The following EPB41L5 variants were observed in gnomAD, a reference collection of about 807,000 sequenced individuals.
The protein encoded by EPB41L5 is erythrocyte membrane protein band 4.1 like 5.
EPB41L5 carries 55 observed loss-of-function variants against 106.6 expected under a neutral mutation model. The ratio of observed to expected loss-of-function variants is 0.52; its 90% confidence interval spans 0.42 to 0.65. EPB41L5 has a LOEUF of 0.65. EPB41L5 is among the 30% of genes least tolerant of loss of function. The pLI is 0.00. For missense variants in EPB41L5, 871 were observed against 882.1 expected (o/e 0.99, Z 0.16); for synonymous variants, 297 against 306.7 (o/e 0.97, Z 0.33).
At chr2:120,135,011 G>C (rs971739944) in intron 18 of EPB41L5, among the ~76,000 whole-genome samples, 1 of 152,130 alleles carries the variant, frequency 6.6e-6, no homozygotes, top group Admixed American at 6.5e-5. Flanking sequence ...CTTTCAGGCA[G>C]ATAATTCAAA....
chr2:120,043,333 G>A (rs1679539277), intron 3 of EPB41L5, among the ~76,000 whole-genome samples: 1 of 151,928 alleles, frequency 6.6e-6, no homozygotes, highest in Non-Finnish European at 1.5e-5. Flanking sequence ...TTGAGGTCAG[G>A]AGTTTGATAC....
chr2:120,163,980 C>CTTTTTTTTTTTTTTTTTTTTTTTTT, intron 21 of EPB41L5, among the ~76,000 whole-genome samples: 2 of 68,140 alleles, frequency 2.9e-5, no homozygotes, highest in Non-Finnish European at 5.4e-5. Flanking sequence ...TTTGTATTTA[C>CTTTTTTTTTTTTTTTTTTTTTTTTT]TTTTTTTTTT....
At chr2:120,118,512 C>CA (rs911170734) in intron 16 of EPB41L5, among the ~76,000 whole-genome samples, 17 of 152,202 alleles carry the variant, frequency 1.1e-4, no homozygotes, top group African/African-American at 4.1e-4. Context: ...TTTCCCTCCC[C>CA]CACACCCCCG....
chr2:120,100,956 T>A, intron 16 of EPB41L5, 142 bp downstream of exon 16: 1 of 617,730 alleles, frequency 1.6e-6, no homozygotes. Context: ...TATTAAATAA[T>A]CATATTGAGA....
chr2:120,116,461 C>T (rs80352290), intron 16 of EPB41L5, among the ~76,000 whole-genome samples: 109 of 152,244 alleles, frequency 7.2e-4, no homozygotes, highest in Non-Finnish European at 1.3e-3. Context: ...ATACTGGAAA[C>T]TTAAACATGA....
intron 2 of EPB41L5, among the ~76,000 whole-genome samples, chr2:120,022,087 T>G (rs1677968567): frequency 6.6e-6 from 1 of 152,236 alleles, no homozygotes; most frequent in Non-Finnish European, 1.5e-5. Context: ...TAAACTTGTT[T>G]AAGAGCTTAG....
chr2:120,027,645 T>TG (rs1678422442), intron 2 of EPB41L5, among the ~76,000 whole-genome samples: 1 of 152,136 alleles, frequency 6.6e-6, no homozygotes, highest in African/African-American at 2.4e-5. Context: ...GCTCAAGTGA[T>TG]GCACCACTCA....
chr2:120,122,868 T>C (rs1685288184), intron 16 of EPB41L5, among the ~76,000 whole-genome samples: 1 of 152,196 alleles, frequency 6.6e-6, no homozygotes, highest in Non-Finnish European at 1.5e-5. Flanking sequence ...GGTTTGTAGT[T>C]CTCCTTGAAG....
At chr2:120,142,896 A>G (rs1428818016) in intron 18 of EPB41L5, 107 bp from the exon 19 acceptor site, 2 of 979,994 alleles carry the variant, frequency 2.0e-6, no homozygotes, top group African/African-American at 1.7e-5. Context: ...TGCTTAAGAC[A>G]CATGATTTCC....
chr2:120,047,004 T>G (rs1450971294), intron 3 of EPB41L5, among the ~76,000 whole-genome samples: 4 of 152,040 alleles, frequency 2.6e-5, no homozygotes, highest in Admixed American at 2.0e-4. Flanking sequence ...GGCTCTGTTC[T>G]GTTCCATTGG....
Position 120,015,243 on chromosome 2 carries a change from C to T in EPB41L5, c.-9+2033C>T, listed in dbSNP as rs538872908. On this transcript the variant is annotated intron_variant, in intron 1 of 24. Transcript: ENST00000263713. ...TTGGGAGGCTGAGGCAGAAGAATGG[C>T]GTAAACCCGGGAGGCAGATCTTGCA... Among the ~76,000 whole-genome samples, 647 of 151,498 alleles carry T rather than the reference C, an allele frequency of 4.3e-3. 3 individuals are homozygous for T. Among genetic ancestry groups the T allele is most frequent in the Non-Finnish European group, 6.6e-3 (451 of 67,908 alleles).
At chr2:120,112,411 T>A (rs1216608063) in intron 16 of EPB41L5, among the ~76,000 whole-genome samples, 1 of 152,218 alleles carries the variant, frequency 6.6e-6, no homozygotes, top group Non-Finnish European at 1.5e-5. Flanking sequence ...ATACCAAGCA[T>A]GTCTTGGCAC....
intron 16 of EPB41L5, chr2:120,104,982 CAT>C (rs1249087669): frequency 3.0e-6 from 3 of 984,290 alleles, no homozygotes; most frequent in Middle Eastern, 5.2e-4. Context: ...AAATGAAAAA[CAT>C]ATTTACTTTG....
At position 120,116,981 on chromosome 2, in the gene EPB41L5, A is replaced by C. The variant is rs527700914; in HGVS notation, c.1338-10707A>C. On this transcript the variant is annotated intron_variant, in intron 16 of 24. Transcript: ENST00000263713. Reference sequence around the variant, plus strand: ...AAGCTTCTACTAGAAAATAATAAAAACATCTTGGATGTTACCCTTGAAAAT... The same window carrying C: ...AAGCTTCTACTAGAAAATAATAAAACCATCTTGGATGTTACCCTTGAAAAT... Among the ~76,000 whole-genome samples, 4 of 152,298 alleles carry C rather than the reference A, an allele frequency of 2.6e-5. No homozygotes were observed. In the East Asian group the frequency reaches 5.8e-4, roughly 22 times the overall value.
intron 16 of EPB41L5, chr2:120,104,258 C>T (rs1273147868): frequency 5.9e-6 from 9 of 1,527,454 alleles, no homozygotes; most frequent in South Asian, 1.2e-5. Context: ...GCCTCTTAGG[C>T]TTTGGGACTC....
chr2:120,025,761 C>T (rs763330832), intron 2 of EPB41L5, among the ~76,000 whole-genome samples: 26 of 152,090 alleles, frequency 1.7e-4, no homozygotes, highest in Admixed American at 3.3e-4. Flanking sequence ...TTCCAGCTGA[C>T]CTATAGTTGT....
At chr2:120,085,794 G>A (rs889757141) in intron 10 of EPB41L5, among the ~76,000 whole-genome samples, 1 of 152,172 alleles carries the variant, frequency 6.6e-6, no homozygotes, top group Non-Finnish European at 1.5e-5. Context: ...AGCTTGTCCT[G>A]TGGGCAAATG....
At chr2:120,053,467 A>G (rs779686304) in intron 3 of EPB41L5, among the ~76,000 whole-genome samples, 8 of 152,142 alleles carry the variant, frequency 5.3e-5, no homozygotes, top group Non-Finnish European at 8.8e-5. Context: ...ATCACCCCCA[A>G]AGAAACCCTC....
At chr2:120,099,392 T>A (rs1173221460) in intron 14 of EPB41L5, among the ~76,000 whole-genome samples, 3 of 151,602 alleles carry the variant, frequency 2.0e-5, no homozygotes, top group Admixed American at 6.6e-5. Context: ...GTGCTTTTTG[T>A]GGGAATGGCG....
Sources: gnomAD v4.1 joint callset for allele counts (sites outside exome capture counted in the v4.1 genomes callset) on GRCh38, gnomAD v4.1.1 for gene constraint, MANE v1.5 for transcripts, NCBI Gene and HGNC (gene_info 2026-07-23, HGNC 2026-07-21) for gene names.